The following KCNIP4 variants were observed in gnomAD, a reference collection of about 807,000 sequenced individuals.
KCNIP4 encodes the protein potassium voltage-gated channel interacting protein 4.
A neutral mutation model predicts 34.0 loss-of-function variants in KCNIP4; 12 were observed. That is an observed-to-expected ratio of 0.35 (90% confidence interval 0.23 to 0.57). The LOEUF is 0.57. Ranked by LOEUF, KCNIP4 falls within the 20% of genes least tolerant of loss-of-function variation. The pLI is 0.83. For missense variants in KCNIP4, 238 were observed against 311.7 expected (o/e 0.76, Z 1.78); for synonymous variants, 124 against 102.2 (o/e 1.21, Z -1.29).
At chr4:21,525,589 G>A (rs1735903140) in intron 1 of KCNIP4, among the ~76,000 whole-genome samples, 1 of 151,902 alleles carries the variant, frequency 6.6e-6, no homozygotes, top group Admixed American at 6.6e-5. Context: ...CCCAGAATCT[G>A]TAATGACATT....
intron 1 of KCNIP4, among the ~76,000 whole-genome samples, chr4:21,190,114 T>G (rs1755516570): frequency 6.6e-6 from 1 of 152,236 alleles, no homozygotes; most frequent in African/African-American, 2.4e-5. Context: ...TCCTGAATAC[T>G]AATTTTGCAT....
intron 1 of KCNIP4, among the ~76,000 whole-genome samples, chr4:21,258,275 C>T (rs1211481965): frequency 6.6e-6 from 1 of 152,126 alleles, no homozygotes; most frequent in Non-Finnish European, 1.5e-5. Flanking sequence ...TCAAGCTTTA[C>T]TCTTAACACT....
chr4:21,626,116 C>T (rs188785079), intron 1 of KCNIP4, among the ~76,000 whole-genome samples: 76 of 152,114 alleles, frequency 5.0e-4, no homozygotes, highest in African/African-American at 1.8e-3. Context: ...TTCAATGAAA[C>T]GGAGTGTCCT....
chr4:21,607,071 C>T (rs904324535), intron 1 of KCNIP4, among the ~76,000 whole-genome samples: 7 of 151,734 alleles, frequency 4.6e-5, no homozygotes, highest in Admixed American at 4.6e-4. Flanking sequence ...TTAGTAGGGT[C>T]CATGAATTAA....
At chr4:20,752,863 G>GTTC (rs1203216028) in intron 4 of KCNIP4, 1 of 152,170 alleles carries the variant, frequency 6.6e-6, no homozygotes, top group African/African-American at 2.4e-5. Context: ...ACTCAACTGT[G>GTTC]TTCTTAAGCA....
chr4:21,769,095 C>T (rs185770843), intron 1 of KCNIP4, among the ~76,000 whole-genome samples: 2 of 152,058 alleles, frequency 1.3e-5, no homozygotes, highest in Admixed American at 1.3e-4. Flanking sequence ...ACAAGTTCAC[C>T]TCCAGAAGTC....
intron 1 of KCNIP4, among the ~76,000 whole-genome samples, chr4:21,737,747 T>C (rs567774760): frequency 1.7e-4 from 26 of 152,120 alleles, no homozygotes; most frequent in African/African-American, 6.0e-4. Context: ...TGTTTAAAAA[T>C]AAAGGAAAAT....
At chr4:21,655,992 A>G (rs1747895476) in intron 1 of KCNIP4, among the ~76,000 whole-genome samples, 1 of 152,226 alleles carries the variant, frequency 6.6e-6, no homozygotes, top group African/African-American at 2.4e-5. Flanking sequence ...TAATCTCTGT[A>G]TTAGTTTGCT....
intron 1 of KCNIP4, among the ~76,000 whole-genome samples, chr4:21,674,526 T>C (rs1277005378): frequency 6.6e-6 from 1 of 152,204 alleles, no homozygotes; most frequent in African/African-American, 2.4e-5. Context: ...TTTTCACTTT[T>C]ACAAGTTATC....
At chr4:21,146,189 G>A (rs1468160002) in intron 1 of KCNIP4, among the ~76,000 whole-genome samples, 5 of 152,116 alleles carry the variant, frequency 3.3e-5, no homozygotes, top group South Asian at 2.1e-4. Context: ...ACGAGGTCAC[G>A]AGATCGAGAC....
chr4:20,963,183 T>A (rs1459212405), intron 1 of KCNIP4, among the ~76,000 whole-genome samples: 1 of 151,610 alleles, frequency 6.6e-6, no homozygotes, highest in Non-Finnish European at 1.5e-5. Flanking sequence ...AAAAATGAGC[T>A]GGGCATGGTG....
At chr4:21,909,046 G>T (rs942082000) in intron 1 of KCNIP4, among the ~76,000 whole-genome samples, 3 of 152,002 alleles carry the variant, frequency 2.0e-5, no homozygotes, top group Non-Finnish European at 4.4e-5. Flanking sequence ...CAGGAAGGTA[G>T]GATTTGGTGT....
chr4:21,232,043 C>T (rs931643932), intron 1 of KCNIP4, among the ~76,000 whole-genome samples: 1 of 152,030 alleles, frequency 6.6e-6, no homozygotes, highest in Non-Finnish European at 1.5e-5. Flanking sequence ...GTTCTTTACC[C>T]CGATGCTTGT....
chr4:21,776,614 G>A (rs1207607520), intron 1 of KCNIP4, among the ~76,000 whole-genome samples: 2 of 152,048 alleles, frequency 1.3e-5, no homozygotes, highest in Non-Finnish European at 2.9e-5. Flanking sequence ...TGTTGATATG[G>A]TTAGGCTTTG....
intron 1 of KCNIP4, among the ~76,000 whole-genome samples, chr4:20,951,118 C>G (rs1373893727): frequency 6.6e-6 from 1 of 152,106 alleles, no homozygotes; most frequent in Admixed American, 6.5e-5. Context: ...CTCTCTGTCT[C>G]TCTCTCTCTC....
At chr4:21,298,733 T>A (rs906959372) in intron 1 of KCNIP4, among the ~76,000 whole-genome samples, 1 of 152,206 alleles carries the variant, frequency 6.6e-6, no homozygotes, top group Non-Finnish European at 1.5e-5. Flanking sequence ...ATTTATAACA[T>A]GGTGCCTTTA....
At chr4:21,081,367 T>C (rs1232579934) in intron 1 of KCNIP4, among the ~76,000 whole-genome samples, 1 of 151,762 alleles carries the variant, frequency 6.6e-6, no homozygotes, top group Non-Finnish European at 1.5e-5. Context: ...ATGCCCATAT[T>C]TTTTTGATAC....
intron 1 of KCNIP4, chr4:21,848,939 T>C: frequency 8.8e-6 from 1 of 113,876 alleles, no homozygotes; most frequent in Non-Finnish European, 1.8e-5. Flanking sequence ...CTTTGTGATA[T>C]ACATATATGT....
At chr4:21,283,017 C>T (rs911932579) in intron 1 of KCNIP4, among the ~76,000 whole-genome samples, 2 of 152,114 alleles carry the variant, frequency 1.3e-5, no homozygotes, top group Non-Finnish European at 2.9e-5. Context: ...CTGAATTACT[C>T]ACATGTGCTA....
Sources: gnomAD v4.1 joint callset for allele counts (sites outside exome capture counted in the v4.1 genomes callset) on GRCh38, gnomAD v4.1.1 for gene constraint, MANE v1.5 for transcripts, NCBI Gene and HGNC (gene_info 2026-07-23, HGNC 2026-07-21) for gene names.